Variants in HLCS observed in about 807,000 individuals in gnomAD.
HLCS encodes biotin--protein ligase.
HLCS carries 53 observed loss-of-function variants against 75.0 expected under a neutral mutation model. That is an observed-to-expected ratio of 0.71 (90% CI 0.57 to 0.89). The LOEUF (loss-of-function observed/expected upper bound fraction) is 0.89, where lower values mean the gene tolerates loss of function less well. HLCS is among the 40% of genes least tolerant of loss of function. The pLI is 0.00. For missense variants in HLCS, 966 were observed against 1,074.0 expected (o/e 0.90, Z 1.41); for synonymous variants, 431 against 428.6 (o/e 1.01, Z -0.07).
chr21:36,851,197 G>A (rs905835815), intron 6 of HLCS, among the ~76,000 whole-genome samples: 2 of 152,154 alleles, frequency 1.3e-5, no homozygotes, highest in African/African-American at 2.4e-5. Flanking sequence ...CAAAAGAATG[G>A]AAACCAGGAT....
chr21:36,904,330 A>G (rs2065360791), intron 5 of HLCS, among the ~76,000 whole-genome samples: 1 of 152,240 alleles, frequency 6.6e-6, no homozygotes, highest in Non-Finnish European at 1.5e-5. Flanking sequence ...ACTAATTACT[A>G]AAGTAACAAT....
At chr21:36,864,119 G>T (rs927489343) in intron 6 of HLCS, among the ~76,000 whole-genome samples, 3 of 152,216 alleles carry the variant, frequency 2.0e-5, no homozygotes, top group Admixed American at 2.0e-4. Context: ...GCATGAACAG[G>T]CTGGGTTTCG....
At chr21:36,808,051 TA>T (rs5843778) in intron 6 of HLCS, among the ~76,000 whole-genome samples, 141,755 of 147,774 alleles carry the variant, frequency 0.96, 68,104 homozygotes, top group East Asian at 1. Flanking sequence ...ATCTAGAAAA[TA>T]AAAAAAAAAA....
intron 6 of HLCS, among the ~76,000 whole-genome samples, chr21:36,780,030 A>G (rs1294260938): frequency 2.6e-5 from 4 of 151,990 alleles, no homozygotes; most frequent in African/African-American, 9.7e-5. Flanking sequence ...ATACATGCAT[A>G]TTTTCTTATT....
chr21:36,861,178 G>A (rs76183125), intron 6 of HLCS, among the ~76,000 whole-genome samples: 138 of 151,990 alleles, frequency 9.1e-4, no homozygotes, highest in African/African-American at 2.3e-3. Context: ...TAGCACAGGC[G>A]GTGTCTCTAC....
At chr21:36,962,287 T>A in intron 1 of HLCS, 117 bp from the exon 2 acceptor site, 1 of 630,888 alleles carries the variant, frequency 1.6e-6, no homozygotes, top group Non-Finnish European at 2.4e-6. Context: ...GGAAATAAGC[T>A]TATCTGATGC....
chr21:36,874,339 T>C (rs796971249), intron 6 of HLCS, among the ~76,000 whole-genome samples: 9 of 151,604 alleles, frequency 5.9e-5, no homozygotes, highest in African/African-American at 1.7e-4. Context: ...GAGGTGGAGC[T>C]TGCAGTGAGC....
chr21:36,964,181 C>T (rs1318817267), intron 1 of HLCS, among the ~76,000 whole-genome samples: 3 of 152,064 alleles, frequency 2.0e-5, no homozygotes, highest in Non-Finnish European at 2.9e-5. Flanking sequence ...GCGGAGATCG[C>T]GCCACTGCAC....
chr21:36,868,257 G>A (rs11908840), intron 6 of HLCS, among the ~76,000 whole-genome samples: 3 of 95,470 alleles, frequency 3.1e-5, no homozygotes, highest in Non-Finnish European at 5.7e-5. Context: ...GAAAGAAAGA[G>A]AGAAGGAAGG....
rs574459006 is a variant in HLCS at position 36,748,963 on chromosome 21, T to C, written c.*5283A>G. The C allele has an allele frequency of 6.5e-6, 1 of 152,706 alleles. No individual in the cohort carries two copies. Among genetic ancestry groups the C allele is most frequent in the Non-Finnish European group, 1.5e-5 (1 of 68,026 alleles). The allele number at this position is 152,706 out of a possible 1,614,324, so 9.5% of individuals were successfully genotyped here. On this transcript the variant is annotated 3_prime_UTR_variant, in exon 11 of 11. Coordinates refer to ENST00000674895, the MANE Select transcript of HLCS (RefSeq NM_001352514.2). ...CTAGGCTCGTGTTTGCTACAAATAGTGCTAATAAAGTTAAATTGCACGTGC... is the reference window on the plus strand; with the variant it reads ...CTAGGCTCGTGTTTGCTACAAATAGCGCTAATAAAGTTAAATTGCACGTGC...
At chr21:36,899,922 G>A (rs976921768) in intron 5 of HLCS, among the ~76,000 whole-genome samples, 1 of 152,110 alleles carries the variant, frequency 6.6e-6, no homozygotes, top group Non-Finnish European at 1.5e-5. Flanking sequence ...TGGCCAACAT[G>A]ACAAAACTCC....
At chr21:36,974,337 C>G (rs999632743) in intron 1 of HLCS, 3 of 152,402 alleles carry the variant, frequency 2.0e-5, no homozygotes, top group Non-Finnish European at 4.4e-5. Flanking sequence ...CCTTGTGGAC[C>G]AGAGGAGAGA....
intron 6 of HLCS, among the ~76,000 whole-genome samples, chr21:36,827,653 A>G (rs1476773241): frequency 6.6e-6 from 1 of 151,770 alleles, no homozygotes; most frequent in African/African-American, 2.4e-5. Flanking sequence ...CAATTCCTAC[A>G]GCAGAAGGAA....
intron 5 of HLCS, among the ~76,000 whole-genome samples, chr21:36,913,116 G>A (rs767876131): frequency 2.0e-5 from 3 of 152,000 alleles, no homozygotes; most frequent in East Asian, 1.9e-4. Context: ...CATTAGCACC[G>A]TCCACAGCAG....
chr21:36,812,595 T>C (rs1425684589), intron 6 of HLCS, among the ~76,000 whole-genome samples: 2 of 152,192 alleles, frequency 1.3e-5, no homozygotes, highest in Non-Finnish European at 2.9e-5. Flanking sequence ...CTAAGAAAAT[T>C]ATTTCCTCAA....
intron 10 of HLCS, 117 bp from the exon 11 acceptor site, chr21:36,754,534 T>C (rs1383622847): frequency 4.5e-6 from 5 of 1,102,062 alleles, no homozygotes; most frequent in Non-Finnish European, 6.7e-6. Context: ...GGGCTGAGGC[T>C]CGCTGCAGGG....
At position 36,864,615 on chromosome 21, in the gene HLCS, T is replaced by C. The variant is rs571233905; in HGVS notation, c.1892+32245A>G. Among the ~76,000 whole-genome samples, 11 of 152,342 alleles carry C rather than the reference T, an allele frequency of 7.2e-5. No individual in the cohort carries two copies. In the South Asian group the frequency reaches 2.3e-3, roughly 32 times the overall value. On this transcript the variant is annotated intron_variant, in intron 6 of 10. Coordinates refer to ENST00000674895, the MANE Select transcript of HLCS (RefSeq NM_001352514.2). ...AAGTGTTAAGTTTTCATATTATGAA[T>C]TGATTCAGTTACAATTACCAATAGT...
intron 8 of HLCS, among the ~76,000 whole-genome samples, chr21:36,760,767 G>C (rs552851838): frequency 6.6e-6 from 1 of 152,136 alleles, no homozygotes; most frequent in Non-Finnish European, 1.5e-5. Flanking sequence ...GGGGGTGGGG[G>C]GGCTCTCCCT....
At chr21:36,903,812 T>C (rs2065338137) in intron 5 of HLCS, among the ~76,000 whole-genome samples, 1 of 152,234 alleles carries the variant, frequency 6.6e-6, no homozygotes, top group South Asian at 2.1e-4. Context: ...CCAAATTTCA[T>C]GTGTTGGAAA....
Sources: gnomAD v4.1 joint callset for allele counts (sites outside exome capture counted in the v4.1 genomes callset) on GRCh38, gnomAD v4.1.1 for gene constraint, MANE v1.5 for transcripts, NCBI Gene and HGNC (gene_info 2026-07-23, HGNC 2026-07-21) for gene names.